The following FAM13C variants were observed in gnomAD, a reference collection of about 807,000 sequenced individuals.
The protein encoded by FAM13C is protein FAM13C.
A neutral mutation model predicts 73.2 loss-of-function variants in FAM13C; 37 were observed. The ratio of observed to expected loss-of-function variants is 0.51; its 90% confidence interval spans 0.39 to 0.67. The LOEUF is 0.67. FAM13C is among the 30% of genes least tolerant of loss of function. The probability of loss-of-function intolerance (pLI) is 0.00; values close to 1 mark genes in which losing one functional copy is unlikely to be tolerated. For synonymous variants in FAM13C, 246 were observed against 260.9 expected, an observed-to-expected ratio of 0.94 and a Z score of 0.55; for missense variants, 589 against 715.6, an observed-to-expected ratio of 0.82 and a Z score of 2.02.
At chr10:59,300,750 C>T (rs754252077) in intron 5 of FAM13C, 2 of 152,190 alleles carry the variant, frequency 1.3e-5, no homozygotes, top group African/African-American at 2.4e-5. Context: ...CACAAAAGAG[C>T]ATATGTAATC....
At chr10:59,250,983 T>C (rs776197412) in intron 13 of FAM13C, among the ~76,000 whole-genome samples, 2 of 152,114 alleles carry the variant, frequency 1.3e-5, no homozygotes, top group Non-Finnish European at 2.9e-5. Context: ...ATTTTGTTGA[T>C]GATACACCAA....
At chr10:59,361,187 C>A in intron 1 of FAM13C, 1 of 975,012 alleles carries the variant, frequency 1.0e-6, no homozygotes, top group Non-Finnish European at 1.4e-6. Flanking sequence ...GAGTATTTTA[C>A]ATTGCTTCTT....
Position 59,247,173 on chromosome 10 carries a change from TGTA to T in FAM13C, c.*438_*440del, listed in dbSNP as rs1171712801. On this transcript the variant is annotated 3_prime_UTR_variant, in exon 14 of 14. Transcript: ENST00000618804. ...TCAAATAAATTGCTTTCTTGCTAGCTGTATTCCTTCCTACTTGAAAAGCGAATT... is the reference window on the plus strand; with the variant it reads ...TCAAATAAATTGCTTTCTTGCTAGCTTTCCTTCCTACTTGAAAAGCGAATT... The T allele has an allele frequency of 6.2e-6, 1 of 161,168 alleles. No homozygotes were observed. Among genetic ancestry groups the T allele is most frequent in the Non-Finnish European group, 1.3e-5 (1 of 74,592 alleles). 10.0% of individuals were successfully genotyped at this position (161,168 alleles called of 1,614,324 possible). A position where few individuals can be genotyped will look rare whatever the true frequency, so the allele number is the denominator to read the frequency against.
intron 5 of FAM13C, among the ~76,000 whole-genome samples, chr10:59,290,070 C>T (rs749116704): frequency 1.3e-4 from 20 of 152,194 alleles, no homozygotes; most frequent in Non-Finnish European, 2.5e-4. Flanking sequence ...GTCTGTGAAA[C>T]GTAGGTGTGG....
At chr10:59,271,844 A>C (rs1843750143) in intron 6 of FAM13C, among the ~76,000 whole-genome samples, 1 of 152,202 alleles carries the variant, frequency 6.6e-6, no homozygotes, top group Admixed American at 6.5e-5. Flanking sequence ...GAAGAAAATA[A>C]TCTTTAGCAG....
At chr10:59,291,881 T>C (rs371041593) in intron 5 of FAM13C, among the ~76,000 whole-genome samples, 8 of 142,606 alleles carry the variant, frequency 5.6e-5, no homozygotes, top group South Asian at 2.3e-4. Flanking sequence ...CTCCACCTCC[T>C]GGGTTCACGC....
intron 8 of FAM13C, 42 bp from the exon 9 acceptor site, chr10:59,264,208 G>A: frequency 1.6e-6 from 2 of 1,261,636 alleles, no homozygotes; most frequent in Non-Finnish European, 2.3e-6. Flanking sequence ...GGGAGGGAAG[G>A]AGGGAGAGGG....
At chr10:59,263,511 T>A (rs544506796) in intron 9 of FAM13C, among the ~76,000 whole-genome samples, 1 of 152,338 alleles carries the variant, frequency 6.6e-6, no homozygotes, top group East Asian at 1.9e-4. Context: ...GTATTAAAGT[T>A]AGAGTGTGGA....
chr10:59,288,455 T>C (rs921335830), intron 5 of FAM13C, among the ~76,000 whole-genome samples: 6 of 152,106 alleles, frequency 3.9e-5, no homozygotes, highest in Non-Finnish European at 2.9e-5. Context: ...ATCATGCCAT[T>C]GCACTCCAGA....
At chr10:59,331,395 A>G (rs1397088717) in intron 3 of FAM13C, among the ~76,000 whole-genome samples, 1 of 152,180 alleles carries the variant, frequency 6.6e-6, no homozygotes, top group East Asian at 1.9e-4. Context: ...GGAATGTTCA[A>G]GGAACTCCGG....
chr10:59,344,643 C>T (rs900421281), intron 3 of FAM13C, among the ~76,000 whole-genome samples: 1 of 152,108 alleles, frequency 6.6e-6, no homozygotes, highest in African/African-American at 2.4e-5. Flanking sequence ...AACTTTAATC[C>T]TCAACAACCT....
intron 2 of FAM13C, among the ~76,000 whole-genome samples, chr10:59,352,755 T>C (rs1855232212): frequency 6.6e-6 from 1 of 152,216 alleles, no homozygotes; most frequent in Non-Finnish European, 1.5e-5. Context: ...ATTTTCACTT[T>C]AAGAAACTTT....
chr10:59,273,573 A>G (rs1437378450), intron 6 of FAM13C, among the ~76,000 whole-genome samples: 1 of 152,132 alleles, frequency 6.6e-6, no homozygotes, highest in Non-Finnish European at 1.5e-5. Flanking sequence ...TTTAATCTTC[A>G]TAACAACTAC....
At chr10:59,349,827 T>C (rs898390494) in intron 3 of FAM13C, among the ~76,000 whole-genome samples, 3 of 152,206 alleles carry the variant, frequency 2.0e-5, no homozygotes, top group Admixed American at 6.5e-5. Context: ...GGTTATTTAT[T>C]TAGTATATTA....
intron 3 of FAM13C, among the ~76,000 whole-genome samples, chr10:59,334,950 T>C (rs1852528771): frequency 6.6e-6 from 1 of 152,152 alleles, no homozygotes; most frequent in Non-Finnish European, 1.5e-5. Context: ...AATACTCCAG[T>C]ATACCTTCAG....
chr10:59,309,580 C>T (rs955655624), intron 4 of FAM13C, among the ~76,000 whole-genome samples: 7 of 152,206 alleles, frequency 4.6e-5, no homozygotes, highest in Admixed American at 4.6e-4. Flanking sequence ...GTTCCCTCTC[C>T]ACTTTCTCTC....
At chr10:59,329,099 A>C (rs954205953) in intron 3 of FAM13C, among the ~76,000 whole-genome samples, 2 of 152,148 alleles carry the variant, frequency 1.3e-5, no homozygotes, top group Non-Finnish European at 2.9e-5. Context: ...GAGTTGATTT[A>C]AATTTCCTTT....
intron 6 of FAM13C, among the ~76,000 whole-genome samples, chr10:59,280,252 TC>T (rs946466029): frequency 5.1e-4 from 77 of 152,234 alleles, no homozygotes; most frequent in African/African-American, 1.8e-3. Flanking sequence ...TGCAAACCAA[TC>T]CAGTTGGTTA....
chr10:59,318,014 A>C (rs1225090228), intron 4 of FAM13C, among the ~76,000 whole-genome samples: 2 of 151,328 alleles, frequency 1.3e-5, no homozygotes, highest in African/African-American at 4.9e-5. Flanking sequence ...TCTCTTTATA[A>C]CGTTAAAACA....
Sources: allele counts gnomAD v4.1 joint callset (sites outside exome capture counted in the v4.1 genomes callset), GRCh38; gene constraint gnomAD v4.1.1; transcripts MANE v1.5; gene names NCBI Gene and HGNC (gene_info 2026-07-23, HGNC 2026-07-21).